Variants in PAPPA observed in about 807,000 individuals in gnomAD.
PAPPA encodes pappalysin 1, also known as pappalysin-1.
In PAPPA, 60 loss-of-function variants were observed where a neutral mutation model predicts 164.0. The observed-to-expected ratio is 0.37, with a 90% CI of 0.30 to 0.45. The LOEUF (loss-of-function observed/expected upper bound fraction) is 0.45, where lower values mean the gene tolerates loss of function less well. Ranked by LOEUF, PAPPA falls within the 20% of genes least tolerant of loss-of-function variation. The pLI is 1.00. For missense variants in PAPPA, 1,782 were observed against 2,087.3 expected (o/e 0.85, Z 2.85); for synonymous variants, 875 against 814.1 (o/e 1.07, Z -1.27).
chr9:116,317,009 G>T (rs1278019687), intron 10 of PAPPA, among the ~76,000 whole-genome samples: 2 of 152,166 alleles, frequency 1.3e-5, no homozygotes, highest in Admixed American at 1.3e-4. Flanking sequence ...ATCTAGTGGG[G>T]TTCCCTGCAG....
intron 10 of PAPPA, among the ~76,000 whole-genome samples, chr9:116,305,148 C>CAT (rs1252764879): frequency 6.6e-6 from 1 of 150,620 alleles, no homozygotes; most frequent in African/African-American, 2.4e-5. Context: ...CACACACACA[C>CAT]ACACACACAC....
chr9:116,193,220 T>C lies in PAPPA; in HGVS notation c.1478+5004T>C, dbSNP rs1201307827. ...GCTTTTGGACTCCAGTTAATGTTGT[T>C]GGAAGTCTCACAAAAGGGGCTGCGA... is the stretch of plus-strand genomic sequence containing the variant. On this transcript the variant is annotated intron_variant, in intron 2 of 21. Transcript: ENST00000328252. 3.3e-5 allele frequency among the ~76,000 whole-genome samples: 5 copies of C among 152,066 alleles called. No individual in the cohort carries two copies. In the South Asian group the frequency reaches 8.3e-4, roughly 25 times the overall value.
chr9:116,344,767 G>GT lies in PAPPA; in HGVS notation c.3780+57dup, dbSNP rs1846186133. 5.3e-6 allele frequency: 8 copies of GT among 1,517,030 alleles called. No homozygotes were observed. The Middle Eastern group carries it at 6.5e-4, about 123-fold the overall frequency. The allele number at this position is 1,517,030 out of a possible 1,614,324, so 94.0% of individuals were successfully genotyped here. Reference sequence around the variant, plus strand: ...CTGCAGCCCAGGGAAGGCTTACTGGGTGTTAACCATGTTCTCTGCTAAATA... The same window carrying GT: ...CTGCAGCCCAGGGAAGGCTTACTGGGTTGTTAACCATGTTCTCTGCTAAATA... On this transcript the variant is annotated intron_variant, in intron 14 of 21. Transcript: ENST00000328252.
At chr9:116,352,584 G>T (rs1053171847) in intron 15 of PAPPA, 122 bp from the exon 16 acceptor site, 2 of 760,890 alleles carry the variant, frequency 2.6e-6, no homozygotes, top group African/African-American at 3.4e-5. Context: ...AGTAGAAGGG[G>T]TTGGAATTCC....
chr9:116,163,994 A>G (rs1843695775), intron 1 of PAPPA, among the ~76,000 whole-genome samples: 11 of 152,212 alleles, frequency 7.2e-5, no homozygotes. Context: ...CCCCACAAAT[A>G]TCCAGAAAAC....
chr9:116,244,245 C>T (rs892268246), intron 7 of PAPPA, among the ~76,000 whole-genome samples: 7 of 152,052 alleles, frequency 4.6e-5, no homozygotes, highest in Non-Finnish European at 7.4e-5. Context: ...CTAATACCAC[C>T]AAAATTGCTT....
intron 9 of PAPPA, among the ~76,000 whole-genome samples, chr9:116,297,030 T>C (rs952626193): frequency 3.3e-5 from 5 of 152,018 alleles, no homozygotes; most frequent in African/African-American, 9.7e-5. Context: ...AATTTTTGTA[T>C]TTTTTGTAGA....
intron 7 of PAPPA, among the ~76,000 whole-genome samples, chr9:116,254,323 A>C (rs1844895390): frequency 1.3e-5 from 2 of 152,204 alleles, no homozygotes; most frequent in Non-Finnish European, 2.9e-5. Context: ...TTTATTCAGA[A>C]ATTTTAAAAA....
chr9:116,389,534 C>T (rs1846862630), intron 21 of PAPPA, among the ~76,000 whole-genome samples: 1 of 152,116 alleles, frequency 6.6e-6, no homozygotes, highest in Non-Finnish European at 1.5e-5. Context: ...TCTGACTTTG[C>T]CCCCTTTCCA....
chr9:116,200,822 A>G (rs1455231144), intron 2 of PAPPA, among the ~76,000 whole-genome samples: 1 of 152,208 alleles, frequency 6.6e-6, no homozygotes, highest in Non-Finnish European at 1.5e-5. Flanking sequence ...AAGGAAAGAA[A>G]TTAGAAAGGA....
At chr9:116,185,573 T>A (rs1413264732) in intron 1 of PAPPA, among the ~76,000 whole-genome samples, 2 of 152,156 alleles carry the variant, frequency 1.3e-5, no homozygotes, top group South Asian at 2.1e-4. Flanking sequence ...TGAGCATCTT[T>A]TATTCACTCT....
intron 9 of PAPPA, among the ~76,000 whole-genome samples, chr9:116,291,233 A>C (rs1845431751): frequency 6.6e-6 from 1 of 152,180 alleles, no homozygotes; most frequent in African/African-American, 2.4e-5. Flanking sequence ...ATTTTACTCT[A>C]ATATGTGCTA....
chr9:116,385,523 A>G (rs1846798148), intron 21 of PAPPA, among the ~76,000 whole-genome samples: 1 of 152,134 alleles, frequency 6.6e-6, no homozygotes, highest in Admixed American at 6.5e-5. Context: ...CTCTGTTCCC[A>G]TACTCAGTTC....
intron 15 of PAPPA, among the ~76,000 whole-genome samples, chr9:116,349,491 G>A (rs895245087): frequency 1.3e-5 from 2 of 152,184 alleles, no homozygotes; most frequent in African/African-American, 4.8e-5. Flanking sequence ...TGAGGCAAGT[G>A]CTTAGAATAC....
chr9:116,394,115 G>A (rs1487451410), intron 21 of PAPPA, among the ~76,000 whole-genome samples: 2 of 152,162 alleles, frequency 1.3e-5, no homozygotes, highest in Non-Finnish European at 2.9e-5. Context: ...ATGATAGAAT[G>A]AGAGCAAGGG....
At chr9:116,190,816 G>T (rs147297406) in intron 2 of PAPPA, among the ~76,000 whole-genome samples, 66 of 152,332 alleles carry the variant, frequency 4.3e-4, no homozygotes, top group Non-Finnish European at 8.1e-4. Context: ...CCATGAGCCA[G>T]CTATAACCGC....
chr9:116,274,328 A>G (rs1415786281), intron 9 of PAPPA, among the ~76,000 whole-genome samples: 2 of 152,218 alleles, frequency 1.3e-5, no homozygotes, highest in Non-Finnish European at 2.9e-5. Context: ...ACAGAGATAC[A>G]GGCATCCCAG....
intron 17 of PAPPA, among the ~76,000 whole-genome samples, chr9:116,360,728 A>G (rs762852296): frequency 5.9e-5 from 9 of 152,220 alleles, no homozygotes; most frequent in Non-Finnish European, 1.0e-4. Flanking sequence ...CAATTCTTGA[A>G]TGAGCAAAAA....
At chr9:116,205,673 T>C (rs1346161682) in intron 2 of PAPPA, among the ~76,000 whole-genome samples, 1 of 152,178 alleles carries the variant, frequency 6.6e-6, no homozygotes, top group Non-Finnish European at 1.5e-5. Flanking sequence ...ATCTGTATGA[T>C]GGCGATAAGT....
Sources: gnomAD v4.1 joint callset for allele counts (sites outside exome capture counted in the v4.1 genomes callset) on GRCh38, gnomAD v4.1.1 for gene constraint, MANE v1.5 for transcripts, NCBI Gene and HGNC (gene_info 2026-07-23, HGNC 2026-07-21) for gene names.